The following PRKD1 variants were observed in gnomAD, a reference collection of about 807,000 sequenced individuals.
PRKD1 encodes the protein protein kinase D1, also known as serine/threonine-protein kinase D1.
PRKD1 carries 63 observed loss-of-function variants against 95.9 expected under a neutral mutation model. The ratio of observed to expected loss-of-function variants is 0.66; its 90% CI spans 0.54 to 0.81. The LOEUF is 0.81. Ranked by LOEUF, PRKD1 falls within the 30% of genes least tolerant of loss-of-function variation. PRKD1 has a pLI of 0.00. For missense variants in PRKD1, 1,048 were observed against 1,165.3 expected (o/e 0.90, Z 1.47); for synonymous variants, 425 against 423.1 (o/e 1.00, Z -0.05).
chr14:29,789,799 G>A (rs1376096040), intron 1 of PRKD1, among the ~76,000 whole-genome samples: 2 of 152,086 alleles, frequency 1.3e-5, no homozygotes, highest in Admixed American at 1.3e-4. Context: ...AGTGAGTAAG[G>A]TGTGTCAATT....
chr14:29,708,651 G>A (rs1885197632), intron 2 of PRKD1, among the ~76,000 whole-genome samples: 1 of 152,080 alleles, frequency 6.6e-6, no homozygotes, highest in African/African-American at 2.4e-5. Context: ...TCAGGAGTTC[G>A]AGACCAGTCT....
chr14:29,784,475 C>T (rs1175431023), intron 1 of PRKD1, among the ~76,000 whole-genome samples: 1 of 152,120 alleles, frequency 6.6e-6, no homozygotes, highest in Admixed American at 6.6e-5. Context: ...CTGTAGATTG[C>T]TTCATGTAGT....
intron 1 of PRKD1, among the ~76,000 whole-genome samples, chr14:29,746,701 T>A (rs1301586935): frequency 2.0e-5 from 3 of 152,250 alleles, no homozygotes; most frequent in Middle Eastern, 3.4e-3. Context: ...AGCTAGCATA[T>A]TTTCATCATC....
At chr14:29,639,303 G>GA (rs1425931672) in intron 4 of PRKD1, among the ~76,000 whole-genome samples, 1 of 152,174 alleles carries the variant, frequency 6.6e-6, no homozygotes, top group Non-Finnish European at 1.5e-5. Context: ...ATGAAAGACA[G>GA]AAAATGAAAA....
intron 1 of PRKD1, chr14:29,751,313 A>T (rs974171724): frequency 1.2e-4 from 18 of 152,314 alleles, no homozygotes; most frequent in African/African-American, 4.1e-4. Flanking sequence ...AGGCCATGTG[A>T]TCTGGTTCTG....
intron 8 of PRKD1, 127 bp downstream of exon 8, chr14:29,634,291 C>A: frequency 7.1e-7 from 1 of 1,402,180 alleles, no homozygotes; most frequent in Non-Finnish European, 9.9e-7. Context: ...CTTACCTAAT[C>A]CCGTGTCATG....
chr14:29,909,105 T>C (rs998998504), intron 1 of PRKD1, among the ~76,000 whole-genome samples: 3 of 152,130 alleles, frequency 2.0e-5, no homozygotes, highest in Non-Finnish European at 4.4e-5. Context: ...TGGCCGGCGC[T>C]GCCAGCCCCA....
At chr14:29,738,630 G>A (rs1886838430) in intron 1 of PRKD1, among the ~76,000 whole-genome samples, 1 of 152,022 alleles carries the variant, frequency 6.6e-6, no homozygotes, top group Non-Finnish European at 1.5e-5. Flanking sequence ...CCACGGGCAT[G>A]CTGTTCAAAT....
intron 1 of PRKD1, among the ~76,000 whole-genome samples, chr14:29,903,878 C>T (rs897623063): frequency 2.6e-5 from 4 of 151,708 alleles, no homozygotes; most frequent in South Asian, 2.1e-4. Flanking sequence ...TTAAATTTAT[C>T]GTAAAAATAA....
chr14:29,636,574 AC>A, intron 6 of PRKD1, 80 bp from the exon 7 acceptor site: 1 of 1,413,084 alleles, frequency 7.1e-7, no homozygotes, highest in African/African-American at 1.4e-5. Flanking sequence ...TGATCCTAAA[AC>A]AAATCAATTG....
Position 29,806,182 on chromosome 14 carries a change from T to C in PRKD1, c.265-80508A>G, listed in dbSNP as rs45530637. 1.6e-3 allele frequency among the ~76,000 whole-genome samples: 248 copies of C among 152,336 alleles called. 2 individuals carry two copies. The highest frequency in any genetic ancestry group is 5.4e-3 in the African/African-American group (225 of 41,574). On this transcript the variant is annotated intron_variant, in intron 1 of 17. Transcript: ENST00000331968. ...GAAAAGATCTCAATAACAAGAGCCA[T>C]GATTATTCCTACGTTAAATATGCAA... is the stretch of plus-strand genomic sequence containing the variant.
At chr14:29,639,293 A>G (rs753694774) in intron 4 of PRKD1, among the ~76,000 whole-genome samples, 5 of 152,248 alleles carry the variant, frequency 3.3e-5, no homozygotes, top group Non-Finnish European at 7.3e-5. Context: ...GCAAGCATTT[A>G]TGAAAGACAG....
intron 1 of PRKD1, among the ~76,000 whole-genome samples, chr14:29,732,670 T>C (rs1249455812): frequency 6.6e-6 from 1 of 152,150 alleles, no homozygotes; most frequent in Non-Finnish European, 1.5e-5. Context: ...TTCTCAGATT[T>C]TCTCTCTGAA....
At chr14:29,840,655 C>T (rs140482325) in intron 1 of PRKD1, among the ~76,000 whole-genome samples, 1 of 152,306 alleles carries the variant, frequency 6.6e-6, no homozygotes, top group African/African-American at 2.4e-5. Flanking sequence ...TACAGTTCCA[C>T]ATGGCTGGGG....
intron 1 of PRKD1, among the ~76,000 whole-genome samples, chr14:29,825,378 AGGTAAAG>A (rs754706541): frequency 6.6e-6 from 1 of 152,126 alleles, no homozygotes; most frequent in Non-Finnish European, 1.5e-5. Context: ...GTCACTGGTC[AGGTAAAG>A]GGTCATATAT....
intron 1 of PRKD1, among the ~76,000 whole-genome samples, chr14:29,921,896 C>G (rs909930655): frequency 1.3e-5 from 2 of 152,146 alleles, no homozygotes; most frequent in African/African-American, 4.8e-5. Flanking sequence ...ATCAAATGAG[C>G]CAATCATCCA....
rs539951493 is a variant in PRKD1 at position 29,770,833 on chromosome 14, A to C, written c.265-45159T>G. ...TATAACAACAACAATAAAATTAGCC[A>C]GGTGTGGTGGCACGCGTCCGTGGGA... On this transcript the variant is annotated intron_variant, in intron 1 of 17. Transcript: ENST00000331968. 2.7e-5 allele frequency among the ~76,000 whole-genome samples: 4 copies of C among 146,494 alleles called. No homozygotes were observed. In the East Asian group the frequency reaches 8.6e-4, roughly 32 times the overall value.
In PRKD1 at chr14:29,638,757, T is replaced by C. The variant is rs1267601904; in HGVS notation, c.844A>G (p.Thr282Ala). The C allele has an allele frequency of 6.2e-7, 1 of 1,614,068 alleles. No individual in the cohort carries two copies. The highest frequency in any genetic ancestry group is 2.2e-5 in the East Asian group (1 of 44,850). ...TFVIHSYTRP[T>A]VCQYCKKLLK... is the part of the protein sequence containing the mutation. ...AGCTTCTTGCAGTACTGGCACACTG[T>C]GGGCCGGGTGTAGGAGTGGATGACA... The change falls in exon 5 of 18, where the codon ACA (threonine) becomes GCA (alanine). Residue 282 changes from threonine (T) to alanine (A), a missense_variant. Transcript: ENST00000331968.
chr14:29,857,772 CAG>C (rs1309734414), intron 1 of PRKD1, among the ~76,000 whole-genome samples: 2 of 152,236 alleles, frequency 1.3e-5, no homozygotes, highest in South Asian at 4.1e-4. Context: ...CGAGGGGAAA[CAG>C]GGGAAGTCTA....
Sources: gnomAD v4.1 joint callset for allele counts (sites outside exome capture counted in the v4.1 genomes callset) on GRCh38, gnomAD v4.1.1 for gene constraint, MANE v1.5 for transcripts, NCBI Gene and HGNC (gene_info 2026-07-23, HGNC 2026-07-21) for gene names.